Variants in CLMN observed in about 807,000 individuals in gnomAD.
CLMN encodes the protein calmin, also known as calmin (calponin-like, transmembrane).
In CLMN, 57 loss-of-function variants were observed where a neutral mutation model predicts 92.7. The ratio of observed to expected loss-of-function variants is 0.61; its 90% CI spans 0.50 to 0.77. CLMN has a LOEUF of 0.77. CLMN is among the 30% of genes least tolerant of loss of function. The probability of loss-of-function intolerance (pLI) is 0.00; values close to 1 mark genes in which losing one functional copy is unlikely to be tolerated. For missense variants in CLMN, 1,158 were observed against 1,237.5 expected (o/e 0.94, Z 0.96); for synonymous variants, 466 against 470.6 (o/e 0.99, Z 0.13).
Position 95,202,995 on chromosome 14 carries a change from AC to A in CLMN, c.2353del (p.Val785CysfsTer63). 6.2e-7 allele frequency: 1 copy of A among 1,614,094 alleles called. No individual in the cohort carries two copies. Among genetic ancestry groups the A allele is most frequent in the South Asian group, 1.1e-5 (1 of 91,080 alleles). ...DGSQSSSSSS[V>X]PGESLPSASD... is the part of the protein sequence containing the mutation. The stretch of plus-strand genomic sequence containing the variant: ...GGCACTGGGGAGGCTCTCTCCTGGC[AC>A]CGAGGAACTGGAGCTGCTCTGAGAG... On this transcript the variant is annotated frameshift_variant, in exon 9 of 13. Coordinates refer to ENST00000298912, the MANE Select transcript of CLMN (RefSeq NM_024734.4). LOFTEE classifies it high-confidence loss of function.
chr14:95,302,889 C>T (rs1265352868), intron 1 of CLMN, among the ~76,000 whole-genome samples: 1 of 152,194 alleles, frequency 6.6e-6, no homozygotes, highest in Non-Finnish European at 1.5e-5. Context: ...GGCAGCCTGT[C>T]CTTTCTCTGG....
chr14:95,210,813 GATC>G lies in CLMN; in HGVS notation c.672_674del (p.Ile225del). 1 of 1,586,356 alleles carries G rather than the reference GATC, an allele frequency of 6.3e-7. No homozygotes were observed. Among genetic ancestry groups the G allele is most frequent in the South Asian group, 1.1e-5 (1 of 87,290 alleles). On this transcript the variant is annotated inframe_deletion, in exon 7 of 13. Coordinates refer to ENST00000298912, the MANE Select transcript of CLMN (RefSeq NM_024734.4). ...CCACCAGGCTGGGGTCAATGGCCTT[GATC>G]ACCGCCAGGAAAGCCAGCCCACTCC... is the stretch of plus-strand genomic sequence containing the variant.
chr14:95,227,603 C>A (rs562339681), intron 2 of CLMN, among the ~76,000 whole-genome samples: 1 of 152,312 alleles, frequency 6.6e-6, no homozygotes, highest in Non-Finnish European at 1.5e-5. Context: ...ATTGACAGTT[C>A]CTATAAGAGC....
intron 8 of CLMN, among the ~76,000 whole-genome samples, chr14:95,207,338 T>G (rs1897073975): frequency 6.6e-6 from 1 of 152,222 alleles, no homozygotes; most frequent in African/African-American, 2.4e-5. Context: ...CAGGCTGGTC[T>G]TTAACTCCTG....
intron 2 of CLMN, among the ~76,000 whole-genome samples, chr14:95,224,671 C>T (rs1251208314): frequency 6.6e-6 from 1 of 152,202 alleles, no homozygotes; most frequent in Non-Finnish European, 1.5e-5. Flanking sequence ...TGGTATTGTC[C>T]TGTTTCCTGT....
intron 1 of CLMN, among the ~76,000 whole-genome samples, chr14:95,253,776 C>A (rs1898886784): frequency 6.6e-6 from 1 of 152,006 alleles, no homozygotes; most frequent in African/African-American, 2.4e-5. Flanking sequence ...CCACTCCTGG[C>A]TAATTTTTTT....
At chr14:95,235,611 G>A (rs1898026961) in intron 1 of CLMN, among the ~76,000 whole-genome samples, 1 of 152,136 alleles carries the variant, frequency 6.6e-6, no homozygotes, top group East Asian at 1.9e-4. Context: ...TTGTCTAAAG[G>A]GCTCTTCCTG....
intron 1 of CLMN, among the ~76,000 whole-genome samples, chr14:95,306,793 T>C (rs1424838877): frequency 6.6e-6 from 1 of 152,106 alleles, no homozygotes; most frequent in Non-Finnish European, 1.5e-5. Flanking sequence ...ACGGATCTTA[T>C]CAAAATTATG....
chr14:95,290,398 C>G (rs189530444), intron 1 of CLMN, among the ~76,000 whole-genome samples: 8 of 152,322 alleles, frequency 5.3e-5, no homozygotes, highest in African/African-American at 1.9e-4. Flanking sequence ...CCCGTAGTCT[C>G]AGGGAGGGCC....
intron 1 of CLMN, among the ~76,000 whole-genome samples, chr14:95,261,477 T>C (rs939182527): frequency 6.6e-6 from 1 of 152,272 alleles, no homozygotes; most frequent in African/African-American, 2.4e-5. Flanking sequence ...GTCATGTTAC[T>C]GCCATGGTTT....
intron 1 of CLMN, among the ~76,000 whole-genome samples, chr14:95,272,584 T>C (rs1322740288): frequency 6.6e-6 from 1 of 152,228 alleles, no homozygotes; most frequent in African/African-American, 2.4e-5. Context: ...AGTTTGGATA[T>C]AGATTCACAT....
At chr14:95,222,743 C>T (rs751636754) in intron 3 of CLMN, 38 of 347,554 alleles carry the variant, frequency 1.1e-4, no homozygotes, top group African/African-American at 1.5e-4. Flanking sequence ...CTGAATACTG[C>T]GTAGCCCTCT....
chr14:95,253,626 T>G (rs186267211), intron 1 of CLMN, among the ~76,000 whole-genome samples: 2 of 151,556 alleles, frequency 1.3e-5, no homozygotes, highest in Non-Finnish European at 2.9e-5. Flanking sequence ...TGTTTTTTTT[T>G]TTTTGAGACA....
intron 9 of CLMN, among the ~76,000 whole-genome samples, chr14:95,199,780 G>A (rs1896824332): frequency 6.6e-6 from 1 of 151,966 alleles, no homozygotes; most frequent in African/African-American, 2.4e-5. Context: ...GACTTTGAAG[G>A]TTGAATAACT....
At chr14:95,227,367 T>C (rs1030105828) in intron 2 of CLMN, among the ~76,000 whole-genome samples, 1 of 152,136 alleles carries the variant, frequency 6.6e-6, no homozygotes, top group Non-Finnish European at 1.5e-5. Context: ...AAAAGGCAAA[T>C]TATTTTCTTT....
chr14:95,292,807 C>G (rs964061095), intron 1 of CLMN, among the ~76,000 whole-genome samples: 3 of 152,046 alleles, frequency 2.0e-5, no homozygotes, highest in African/African-American at 7.2e-5. Flanking sequence ...TCAGGGAGGG[C>G]GAGATGAAGC....
At chr14:95,263,630 C>T (rs1242500468) in intron 1 of CLMN, among the ~76,000 whole-genome samples, 2 of 152,172 alleles carry the variant, frequency 1.3e-5, no homozygotes, top group Non-Finnish European at 2.9e-5. Flanking sequence ...AATATGAATT[C>T]ACAGGTAGCA....
At chr14:95,287,108 T>TA (rs1900374647) in intron 1 of CLMN, among the ~76,000 whole-genome samples, 1 of 152,242 alleles carries the variant, frequency 6.6e-6, no homozygotes, top group Non-Finnish European at 1.5e-5. Context: ...CCTTGCCTCC[T>TA]ATCTTCCCTC....
At chr14:95,305,448 C>T (rs1167835778) in intron 1 of CLMN, among the ~76,000 whole-genome samples, 1 of 151,996 alleles carries the variant, frequency 6.6e-6, no homozygotes, top group Non-Finnish European at 1.5e-5. Context: ...AGAGAGTTCT[C>T]GCAAATTAAA....
Sources: allele counts gnomAD v4.1 joint callset (sites outside exome capture counted in the v4.1 genomes callset), GRCh38; gene constraint gnomAD v4.1.1; transcripts MANE v1.5; gene names NCBI Gene and HGNC (gene_info 2026-07-23, HGNC 2026-07-21).